Variants in BSPH1 observed in about 807,000 individuals in gnomAD.
BSPH1 encodes binder of sperm protein homolog 1, also known as binder of sperm 1.
A neutral mutation model predicts 22.5 loss-of-function variants in BSPH1; 21 were observed. That is an observed-to-expected ratio of 0.93 (90% confidence interval 0.66 to 1.35). BSPH1 has a LOEUF of 1.35. Among genes scored for constraint, BSPH1 ranks in the 40% most tolerant of loss-of-function variants. BSPH1 has a pLI of 0.00. For missense variants in BSPH1, 141 were observed against 154.2 expected (o/e 0.91, Z 0.45); for synonymous variants, 42 against 53.6 (o/e 0.78, Z 0.95).
At chr19:47,978,646 G>A (rs1414646411) in intron 3 of BSPH1, among the ~76,000 whole-genome samples, 1 of 152,182 alleles carries the variant, frequency 6.6e-6, no homozygotes, top group Non-Finnish European at 1.5e-5. Context: ...ATGGCAATTA[G>A]TCTTTCCCAC....
intron 5 of BSPH1, among the ~76,000 whole-genome samples, chr19:47,968,436 C>T (rs981491469): frequency 6.6e-6 from 1 of 150,684 alleles, no homozygotes; most frequent in African/African-American, 2.5e-5. Flanking sequence ...CAGCTCATTG[C>T]AACCTCTGCT....
chr19:47,986,093 A>G (rs1043392652), intron 1 of BSPH1, among the ~76,000 whole-genome samples: 1 of 152,212 alleles, frequency 6.6e-6, no homozygotes, highest in African/African-American at 2.4e-5. Context: ...GACTAGGGAA[A>G]AAAAGCTGCA....
Position 47,976,872 on chromosome 19 carries a change from G to T in BSPH1, c.257-18C>A, listed in dbSNP as rs1323944569. 1.3e-6 allele frequency: 2 copies of T among 1,550,236 alleles called. No individual in the cohort carries two copies. The highest frequency in any genetic ancestry group is 2.7e-5 in the African/African-American group (2 of 72,982). ...TGCAAAATCTGCAGAGGAGGAAGAG[G>T]AAGAAGCAGAGTAAGAAACCTTTCT... On this transcript the variant is annotated intron_variant, in intron 4 of 5. Coordinates refer to ENST00000344839, the MANE Select transcript of BSPH1 (RefSeq NM_001128326.2).
At chr19:47,977,303 G>T in intron 4 of BSPH1, 70 bp downstream of exon 4, 1 of 1,208,182 alleles carries the variant, frequency 8.3e-7, no homozygotes, top group Non-Finnish European at 1.2e-6. Flanking sequence ...ACCCTCTTGT[G>T]TTTTGCCTCA....
intron 1 of BSPH1, among the ~76,000 whole-genome samples, chr19:47,982,253 T>C (rs1277366775): frequency 6.6e-6 from 1 of 152,244 alleles, no homozygotes; most frequent in Admixed American, 6.5e-5. Flanking sequence ...ATATTCTGTG[T>C]TCATAACTAG....
chr19:47,983,729 A>T (rs1316582891), intron 1 of BSPH1, among the ~76,000 whole-genome samples: 1 of 152,228 alleles, frequency 6.6e-6, no homozygotes, highest in Admixed American at 6.5e-5. Context: ...GTGGACTACA[A>T]AATGAAGCCG....
chr19:47,973,211 C>T (rs920866779), intron 5 of BSPH1, among the ~76,000 whole-genome samples: 44 of 128,672 alleles, frequency 3.4e-4, no homozygotes, highest in Non-Finnish European at 5.4e-4. Flanking sequence ...AGCGAGACTC[C>T]GTCTCAAAAT....
intron 2 of BSPH1, 102 bp downstream of exon 2, chr19:47,980,819 A>C (rs1341723879): frequency 7.6e-6 from 5 of 659,330 alleles, no homozygotes; most frequent in Non-Finnish European, 1.3e-5. Flanking sequence ...ATCTTTAATG[A>C]AAAGTATGAT....
chr19:47,967,410 A>G (rs1969269415), downstream of BSPH1, among the ~76,000 whole-genome samples: 1 of 152,174 alleles, frequency 6.6e-6, no homozygotes, highest in South Asian at 2.1e-4. Context: ...GGGCTGCCAT[A>G]AAAAAGTAAC....
chr19:47,979,015 T>C (rs1568397023), intron 3 of BSPH1, among the ~76,000 whole-genome samples: 1 of 152,256 alleles, frequency 6.6e-6, no homozygotes, highest in Non-Finnish European at 1.5e-5. Context: ...CTATATTTTC[T>C]ATAAAGTTTC....
intron 5 of BSPH1, among the ~76,000 whole-genome samples, chr19:47,968,693 A>AG (rs1335617099): frequency 6.7e-6 from 1 of 149,902 alleles, no homozygotes; most frequent in African/African-American, 2.4e-5. Flanking sequence ...AAAAAAAAAA[A>AG]AAAAAAAAAA....
At chr19:47,985,384 TTCTGTACCC>T (rs1969461361) in intron 1 of BSPH1, among the ~76,000 whole-genome samples, 1 of 152,154 alleles carries the variant, frequency 6.6e-6, no homozygotes, top group African/African-American at 2.4e-5. Flanking sequence ...CAATCTAGAA[TTCTGTACCC>T]TGCAAAATTA....
intron 1 of BSPH1, among the ~76,000 whole-genome samples, chr19:47,987,385 CTTT>C (rs11289833): frequency 8.0e-5 from 11 of 136,988 alleles, no homozygotes; most frequent in South Asian, 4.6e-4. Context: ...TTAGTACTTA[CTTT>C]TTTTTTTTTT....
intron 3 of BSPH1, among the ~76,000 whole-genome samples, chr19:47,978,030 A>ATATATATATATATT (rs59615514): frequency 7.6e-6 from 1 of 130,912 alleles, no homozygotes; most frequent in African/African-American, 2.9e-5. Context: ...ATATATATAT[A>ATATATATATATATT]GTTATAGGTG....
At chr19:47,981,638 G>C (rs1969421139) in intron 1 of BSPH1, 1 of 460,604 alleles carries the variant, frequency 2.2e-6, no homozygotes, top group Non-Finnish European at 2.9e-6. Flanking sequence ...CCTGGCACAG[G>C]CTCAACCACT....
chr19:47,981,228 A>G (rs190753301), intron 1 of BSPH1, among the ~76,000 whole-genome samples: 97 of 148,442 alleles, frequency 6.5e-4, no homozygotes, highest in African/African-American at 2.3e-3. Context: ...ATTTTTCTAT[A>G]AAATAAACCA....
intron 1 of BSPH1, among the ~76,000 whole-genome samples, chr19:47,988,978 C>T (rs1969497178): frequency 6.6e-6 from 1 of 151,802 alleles, no homozygotes; most frequent in South Asian, 2.1e-4. Flanking sequence ...GGTCTGTTTC[C>T]TCTTCTGTCT....
intron 5 of BSPH1, 139 bp downstream of exon 5, chr19:47,976,571 C>T (rs1179159089): frequency 1.5e-6 from 1 of 655,054 alleles, no homozygotes. Flanking sequence ...TCACCTTCAA[C>T]TCACATCCCA....
intron 5 of BSPH1, among the ~76,000 whole-genome samples, chr19:47,975,563 A>G (rs1404052175): frequency 6.6e-6 from 1 of 151,140 alleles, no homozygotes; most frequent in Admixed American, 6.6e-5. Flanking sequence ...CTGGTACTTT[A>G]TCTCCACACC....
Sources: allele counts gnomAD v4.1 joint callset (sites outside exome capture counted in the v4.1 genomes callset), GRCh38; gene constraint gnomAD v4.1.1; transcripts MANE v1.5; gene names NCBI Gene and HGNC (gene_info 2026-07-23, HGNC 2026-07-21).